Variants in ROPN1L observed in about 807,000 individuals in gnomAD.
ROPN1L encodes the protein rhophilin associated tail protein 1 like, also known as ropporin-1-like protein.
Under a neutral mutation model 22.7 loss-of-function variants are expected in ROPN1L, and 23 were observed. That is an observed-to-expected ratio of 1.01 (90% confidence interval 0.73 to 1.43). The LOEUF (loss-of-function observed/expected upper bound fraction) is 1.43, where lower values mean the gene tolerates loss of function less well. ROPN1L is among the 40% of genes most tolerant of loss of function. The pLI is 0.00. For synonymous variants in ROPN1L, 116 were observed against 117.8 expected (o/e 0.98, Z 0.10); for missense variants, 271 against 291.5 (o/e 0.93, Z 0.51).
chr5:10,471,578 G>A (rs1220282375), intron 4 of ROPN1L, among the ~76,000 whole-genome samples: 2 of 152,242 alleles, frequency 1.3e-5, no homozygotes, highest in African/African-American at 2.4e-5. Context: ...GAGCCCACAA[G>A]GGAGGGTGCA....
At chr5:10,445,653 C>T (rs150415187) in intron 1 of ROPN1L, among the ~76,000 whole-genome samples, 224 of 152,316 alleles carry the variant, frequency 1.5e-3, no homozygotes, top group African/African-American at 5.1e-3. Flanking sequence ...AGGCTGAGCA[C>T]GGTGGCTCAC....
intron 3 of ROPN1L, among the ~76,000 whole-genome samples, chr5:10,456,805 G>A (rs1043835311): frequency 2.6e-5 from 4 of 152,200 alleles, no homozygotes; most frequent in Admixed American, 2.6e-4. Flanking sequence ...TGCAGAGGAA[G>A]TGATGCTCGA....
chr5:10,476,936 A>T (rs1407498906), downstream of ROPN1L, among the ~76,000 whole-genome samples: 1 of 152,262 alleles, frequency 6.6e-6, no homozygotes, highest in Non-Finnish European at 1.5e-5. Context: ...GCTCGAGTCT[A>T]TCAGAGACCT....
At chr5:10,456,093 C>T (rs562098025) in intron 3 of ROPN1L, among the ~76,000 whole-genome samples, 1 of 152,168 alleles carries the variant, frequency 6.6e-6, no homozygotes, top group Non-Finnish European at 1.5e-5. Context: ...GTTGGCATGC[C>T]GAAAATGCCC....
chr5:10,461,252 C>A lies in ROPN1L; in HGVS notation c.486C>A (p.Arg162=). The A allele has an allele frequency of 1.2e-6, 2 of 1,614,200 alleles. No homozygotes were observed. Among genetic ancestry groups the A allele is most frequent in the East Asian group, 2.2e-5 (1 of 44,872 alleles). Residue 162 remains arginine (R), a synonymous_variant, in exon 4 of 5, where the codon CGC becomes CGA. Coordinates refer to ENST00000274134, the MANE Select transcript of ROPN1L (RefSeq NM_031916.5). Reference sequence around the variant, plus strand: ...ACGATCCGGAGGGCGGGCCCGCTCGCATCCCCTTCAAGACGTTTTCCTACG... The same window carrying A: ...ACGATCCGGAGGGCGGGCCCGCTCGAATCCCCTTCAAGACGTTTTCCTACG... ...LTDDPEGGPA[R]IPFKTFSYVY... is the part of the protein sequence containing the mutation.
chr5:10,480,573 G>GCCCTC, the ROPN1L span, among the ~76,000 whole-genome samples: 2 of 151,966 alleles, frequency 1.3e-5, no homozygotes, highest in African/African-American at 4.8e-5. Context: ...CCGTATGGAA[G>GCCCTC]CCCTCCCCTC....
Position 10,449,170 on chromosome 5 carries a change from C to G in ROPN1L, c.256-782C>G, listed in dbSNP as rs570407968. ...CTGAAATTGCTCAAAGCCTTTTCATCCAGGATACTGCTAGCAGATTGCAGA... is the reference window on the plus strand; with the variant it reads ...CTGAAATTGCTCAAAGCCTTTTCATGCAGGATACTGCTAGCAGATTGCAGA... On this transcript the variant is annotated intron_variant, in intron 2 of 4. Coordinates refer to ENST00000274134, the MANE Select transcript of ROPN1L (RefSeq NM_031916.5). Among the ~76,000 whole-genome samples, 3 of 152,330 alleles carry G rather than the reference C, an allele frequency of 2.0e-5. No homozygotes were observed. The East Asian group carries it at 5.8e-4, about 29-fold the overall frequency.
At chr5:10,472,925 T>A (rs1399137637), downstream of ROPN1L, among the ~76,000 whole-genome samples, 2 of 152,184 alleles carry the variant, frequency 1.3e-5, no homozygotes, top group African/African-American at 4.8e-5. Context: ...GAGCCCAGCA[T>A]GGAGCCTGTC....
At chr5:10,443,881 A>G (rs575191405) in intron 1 of ROPN1L, among the ~76,000 whole-genome samples, 1 of 152,144 alleles carries the variant, frequency 6.6e-6, no homozygotes, top group South Asian at 2.1e-4. Context: ...TTCCAAGGAC[A>G]CTGGTGATTG....
chr5:10,453,531 A>G (rs1172875234), intron 3 of ROPN1L, among the ~76,000 whole-genome samples: 3 of 152,166 alleles, frequency 2.0e-5, no homozygotes, highest in Admixed American at 2.0e-4. Flanking sequence ...GAGGAAATGA[A>G]GTGCGATGAG....
intron 1 of ROPN1L, among the ~76,000 whole-genome samples, chr5:10,447,009 G>A (rs1016695315): frequency 6.6e-6 from 1 of 152,124 alleles, no homozygotes; most frequent in Admixed American, 6.6e-5. Flanking sequence ...AAATTTGAGG[G>A]GTGTAAAGAG....
rs776588324 is a variant in ROPN1L, at chr5:10,459,473, C to T, written c.418-1711C>T. The stretch of plus-strand genomic sequence containing the variant: ...TGTTTAAAACCCTTTGACACCTTCC[C>T]ATAGACCCCAGCCAAAGCCCAAGTC... On this transcript the variant is annotated intron_variant, in intron 3 of 4. Transcript: ENST00000274134. 1.6e-4 allele frequency among the ~76,000 whole-genome samples: 25 copies of T among 152,090 alleles called. 1 individual carries two copies. Among genetic ancestry groups the T allele is most frequent in the Admixed American group, 8.5e-4 (13 of 15,278 alleles).
chr5:10,457,049 T>A (rs1741443243), intron 3 of ROPN1L, among the ~76,000 whole-genome samples: 1 of 152,220 alleles, frequency 6.6e-6, no homozygotes, highest in South Asian at 2.1e-4. Flanking sequence ...GAACATGGAT[T>A]GTGAAATACA....
chr5:10,467,251 A>G (rs1043802735), downstream of ROPN1L, among the ~76,000 whole-genome samples: 18 of 150,776 alleles, frequency 1.2e-4, no homozygotes, highest in East Asian at 8.0e-4. Flanking sequence ...CTGGCTCTAC[A>G]GGTATAAAAA....
downstream of ROPN1L, among the ~76,000 whole-genome samples, chr5:10,466,683 T>C (rs918761891): frequency 6.6e-6 from 1 of 152,158 alleles, no homozygotes; most frequent in Non-Finnish European, 1.5e-5. Flanking sequence ...AGTCCTGGCC[T>C]TTGTCCCTTG....
intron 1 of ROPN1L, among the ~76,000 whole-genome samples, chr5:10,447,978 C>A (rs1264933455): frequency 2.6e-5 from 4 of 152,162 alleles, no homozygotes; most frequent in African/African-American, 9.7e-5. Context: ...GTTGAAGGAG[C>A]TTCTGCGAGT....
intron 3 of ROPN1L, among the ~76,000 whole-genome samples, chr5:10,451,232 C>T (rs1454152787): frequency 1.3e-5 from 2 of 152,222 alleles, no homozygotes; most frequent in African/African-American, 4.8e-5. Context: ...TCTTTCATTC[C>T]ATTTTCATTA....
At chr5:10,451,410 C>T (rs1413926159) in intron 3 of ROPN1L, among the ~76,000 whole-genome samples, 5 of 152,238 alleles carry the variant, frequency 3.3e-5, no homozygotes, top group Non-Finnish European at 7.3e-5. Flanking sequence ...TTCTCGCTTC[C>T]TGACCTCTGA....
downstream of ROPN1L, among the ~76,000 whole-genome samples, chr5:10,469,164 A>C (rs1407200970): frequency 2.0e-5 from 3 of 151,518 alleles, no homozygotes; most frequent in Non-Finnish European, 4.4e-5. Flanking sequence ...AAAAATAAAA[A>C]TTAAATAAAC....
Sources: gnomAD v4.1 joint callset for allele counts (sites outside exome capture counted in the v4.1 genomes callset) on GRCh38, gnomAD v4.1.1 for gene constraint, MANE v1.5 for transcripts, NCBI Gene and HGNC (gene_info 2026-07-23, HGNC 2026-07-21) for gene names.